Variants in CCDC68 observed in about 807,000 individuals in gnomAD.
CCDC68 encodes coiled-coil domain containing 68.
CCDC68 carries 45 observed loss-of-function variants against 47.1 expected under a neutral mutation model. The ratio of observed to expected loss-of-function variants is 0.96; its 90% CI spans 0.75 to 1.23. The LOEUF is 1.23. CCDC68 is among the 50% of genes most tolerant of loss of function. The pLI is 0.00. For synonymous variants in CCDC68, 131 were observed against 129.5 expected (o/e 1.01, Z -0.08); for missense variants, 353 against 373.6 (o/e 0.94, Z 0.45).
intron 8 of CCDC68, among the ~76,000 whole-genome samples, chr18:54,922,817 GT>G (rs2044083003): frequency 6.6e-6 from 1 of 151,766 alleles, no homozygotes; most frequent in Non-Finnish European, 1.5e-5. Context: ...GTGAGACCCT[GT>G]CACTACTAAA....
intron 10 of CCDC68, among the ~76,000 whole-genome samples, 165 bp downstream of exon 10, chr18:54,917,748 G>T (rs2043979542): frequency 6.6e-6 from 1 of 151,428 alleles, no homozygotes; most frequent in Non-Finnish European, 1.5e-5. Context: ...TCATATGCCC[G>T]CTCCCAAACA....
chr18:54,904,983 G>C (rs995470293), intron 11 of CCDC68, among the ~76,000 whole-genome samples: 5 of 152,116 alleles, frequency 3.3e-5, no homozygotes, highest in African/African-American at 1.2e-4. Context: ...CATCAGGCTG[G>C]ATGCAGTGGC....
chr18:54,954,056 CTTT>C (rs756335310), intron 1 of CCDC68, among the ~76,000 whole-genome samples: 1 of 89,910 alleles, frequency 1.1e-5, no homozygotes. Flanking sequence ...TTCTTTCTTT[CTTT>C]TTTTTTTTTT....
At chr18:54,945,308 A>C (rs2044507038) in intron 2 of CCDC68, 80 bp downstream of exon 2, 1 of 152,168 alleles carries the variant, frequency 6.6e-6, no homozygotes, top group Admixed American at 6.5e-5. Flanking sequence ...CTATAATAAA[A>C]AGCCCTGTGA....
intron 10 of CCDC68, among the ~76,000 whole-genome samples, chr18:54,912,979 G>A (rs1914455766): frequency 6.6e-6 from 1 of 152,160 alleles, no homozygotes; most frequent in Admixed American, 6.5e-5. Flanking sequence ...CAACACATGG[G>A]GATTATGGGA....
intron 8 of CCDC68, among the ~76,000 whole-genome samples, chr18:54,924,423 G>T (rs893052995): frequency 6.6e-6 from 1 of 152,066 alleles, no homozygotes; most frequent in Non-Finnish European, 1.5e-5. Flanking sequence ...CAGACTTGGA[G>T]CTGGAAAAAA....
Position 54,930,770 on chromosome 18 carries a change from G to A in CCDC68, c.601-1888C>T, listed in dbSNP as rs567423113. Among the ~76,000 whole-genome samples, 3 of 149,356 alleles carry A rather than the reference G, an allele frequency of 2.0e-5. No homozygotes were observed. In the East Asian group the frequency reaches 6.0e-4, roughly 30 times the overall value. Reference sequence around the variant, plus strand: ...TTTTGCTCTTGGTGCCCAGGCTGGAGTGCAATGGTGCGATCCTGGCTCACT... The same window carrying A: ...TTTTGCTCTTGGTGCCCAGGCTGGAATGCAATGGTGCGATCCTGGCTCACT... On this transcript the variant is annotated intron_variant, in intron 7 of 11. Coordinates refer to ENST00000591504, the MANE Select transcript of CCDC68 (RefSeq NM_025214.3).
At chr18:54,930,695 C>CCT (rs773697746) in intron 7 of CCDC68, among the ~76,000 whole-genome samples, 868 of 73,472 alleles carry the variant, frequency 0.012, 26 homozygotes, top group Non-Finnish European at 0.015. Flanking sequence ...TCCCTCCCTC[C>CCT]CTCTCTCTCT....
At chr18:54,934,083 A>G (rs1403413960) in intron 7 of CCDC68, among the ~76,000 whole-genome samples, 3 of 152,224 alleles carry the variant, frequency 2.0e-5, no homozygotes, top group Admixed American at 2.0e-4. Context: ...TCCAAAGCCT[A>G]TATTTTTCTC....
chr18:54,909,278 G>A (rs1464870766), intron 10 of CCDC68, among the ~76,000 whole-genome samples: 2 of 152,138 alleles, frequency 1.3e-5, no homozygotes, highest in East Asian at 1.9e-4. Context: ...GGTAGCTGGG[G>A]GGAACGATGA....
In CCDC68 at chr18:54,919,289, C is replaced by A. The variant is rs777185556; in HGVS notation, c.771G>T (p.Leu257=). 1 of 1,613,452 alleles carries A rather than the reference C, an allele frequency of 6.2e-7. No individual in the cohort carries two copies. The highest frequency in any genetic ancestry group is 8.5e-7 in the Non-Finnish European group (1 of 1,179,488). The part of the protein sequence containing the change: ...QFVIHSQHQN[L]RSVIQEMEGL... ...ATCTGACCTCCTGGATGACACTGCGCAGGTTCTGATGTTGGGAGTGAATCA... is the reference window on the plus strand; with the variant it reads ...ATCTGACCTCCTGGATGACACTGCGAAGGTTCTGATGTTGGGAGTGAATCA... Residue 257 remains leucine (L), a synonymous_variant, in exon 9 of 12, where the codon CTG becomes CTT. Coordinates refer to ENST00000591504, the MANE Select transcript of CCDC68 (RefSeq NM_025214.3).
intron 8 of CCDC68, among the ~76,000 whole-genome samples, chr18:54,922,987 CAAAAAAAAAAAA>C (rs1183607769): frequency 7.5e-4 from 30 of 40,040 alleles, no homozygotes; most frequent in African/African-American, 1.7e-3. Flanking sequence ...GACTCCGTCT[CAAAAAAAAAAAA>C]AAAAAAAAAA....
At chr18:54,953,511 TAC>T (rs140232651) in intron 1 of CCDC68, among the ~76,000 whole-genome samples, 26,452 of 147,536 alleles carry the variant, frequency 0.18, 2,828 homozygotes, top group East Asian at 0.31. Context: ...TATATATACA[TAC>T]ACACACACAC....
chr18:54,946,423 AGTTT>A (rs1375127736), intron 1 of CCDC68, among the ~76,000 whole-genome samples: 1 of 152,140 alleles, frequency 6.6e-6, no homozygotes, highest in Non-Finnish European at 1.5e-5. Flanking sequence ...ATCTGGCCTG[AGTTT>A]GTTTTTTTCC....
At chr18:54,958,109 A>G (rs1270964130) in intron 1 of CCDC68, 1 of 152,252 alleles carries the variant, frequency 6.6e-6, no homozygotes, top group African/African-American at 2.4e-5. Flanking sequence ...TTTGTAAATA[A>G]CAAGAGGAAA....
intron 6 of CCDC68, among the ~76,000 whole-genome samples, chr18:54,935,434 A>T (rs1000516734): frequency 2.0e-5 from 3 of 152,240 alleles, no homozygotes; most frequent in African/African-American, 4.8e-5. Context: ...TCCATCTAGC[A>T]GGCAGTAAGC....
chr18:54,927,621 C>T (rs2044167496), intron 8 of CCDC68, among the ~76,000 whole-genome samples: 1 of 152,182 alleles, frequency 6.6e-6, no homozygotes, highest in Admixed American at 6.5e-5. Flanking sequence ...ATTCCAAGAT[C>T]TAAGGATACT....
At chr18:54,905,983 T>A (rs1311610624) in intron 11 of CCDC68, among the ~76,000 whole-genome samples, 1 of 152,198 alleles carries the variant, frequency 6.6e-6, no homozygotes, top group Admixed American at 6.5e-5. Flanking sequence ...TGAACATCTG[T>A]CTCACCCCCA....
At chr18:54,930,508 A>G (rs1188867442) in intron 7 of CCDC68, among the ~76,000 whole-genome samples, 3 of 152,108 alleles carry the variant, frequency 2.0e-5, no homozygotes, top group East Asian at 1.9e-4. Flanking sequence ...TTTTTCTTAT[A>G]GTATTCTTGC....
Sources: gnomAD v4.1 joint callset for allele counts (sites outside exome capture counted in the v4.1 genomes callset) on GRCh38, gnomAD v4.1.1 for gene constraint, MANE v1.5 for transcripts, NCBI Gene and HGNC (gene_info 2026-07-23, HGNC 2026-07-21) for gene names.